ZNF12: variants seen among roughly 807,000 people sequenced by gnomAD.
The protein encoded by ZNF12 is zinc finger protein 12.
Under a neutral mutation model 66.6 loss-of-function variants are expected in ZNF12, and 34 were observed. That is an observed-to-expected ratio of 0.51 (90% CI 0.39 to 0.68). The LOEUF is 0.68. Among genes scored for constraint, ZNF12 ranks in the 30% least tolerant of loss-of-function variants. The pLI is 0.00. For missense variants in ZNF12, 697 were observed against 826.9 expected, an observed-to-expected ratio of 0.84 and a Z score of 1.93; for synonymous variants, 320 against 278.9, an observed-to-expected ratio of 1.15 and a Z score of -1.47.
chr7:6,690,840 G>A lies in ZNF12; in HGVS notation c.*8C>T. On this transcript the variant is annotated 3_prime_UTR_variant, in exon 5 of 5. Transcript: ENST00000405858. ...AAAGGGTTCTCTGATATAAAATGAG[G>A]TCTGACTTCAGAGAAGCCTTCCCAC... The A allele has an allele frequency of 6.3e-7, 1 of 1,597,030 alleles. No individual in the cohort carries two copies. Among genetic ancestry groups the A allele is most frequent in the Non-Finnish European group, 8.5e-7 (1 of 1,171,562 alleles).
rs1780082835 is a variant in ZNF12 at position 6,692,268 on chromosome 7, G to A, written c.674C>T (p.Ala225Val). 6.2e-7 allele frequency: 1 copy of A among 1,613,188 alleles called. No individual in the cohort carries two copies. Residue 225 changes from alanine (A) to valine (V), a missense_variant, in exon 5 of 5, where the codon GCC (alanine) becomes GTC (valine). Ala to Val is a moderately conservative substitution (Grantham distance 64). This residue lies in a region of ZNF12 where 241 missense variants were observed against 224.0 expected (regional missense o/e 1.08). Transcript: ENST00000405858. This position sits in a 1 kb window ranked among gnomAD's most constrained non-coding sequence, Gnocchi z 5.1. ...KPFEYIECQK[A>V]FQKDTVFVNH... is the part of the protein sequence containing the mutation. Reference sequence around the variant, plus strand: ...AACAAAAACAGTGTCCTTTTGGAAGGCTTTCTGGCATTCAATATATTCAAA... The same window carrying A: ...AACAAAAACAGTGTCCTTTTGGAAGACTTTCTGGCATTCAATATATTCAAA...
chr7:6,706,353 T>G (rs1780356790), intron 1 of ZNF12, 79 bp downstream of exon 1: 2 of 453,730 alleles, frequency 4.4e-6, no homozygotes, highest in Admixed American at 4.7e-5. Flanking sequence ...CCTTCCACTG[T>G]CCCTCACTCT....
chr7:6,697,884 T>C lies in ZNF12; in HGVS notation c.16-73A>G. On this transcript the variant is annotated intron_variant, in intron 2 of 4. Transcript: ENST00000405858. This position sits in a 1 kb window ranked among gnomAD's most constrained non-coding sequence, Gnocchi z 6.1. ...AGGTACAAGATCTTAGCATGCTCAC[T>C]GGCAAAATTAACCATGAACACTGTA... 6.4e-7 allele frequency: 1 copy of C among 1,554,040 alleles called. No individual in the cohort carries two copies. Among genetic ancestry groups the C allele is most frequent in the Non-Finnish European group, 8.9e-7 (1 of 1,127,148 alleles).
rs1033737663 is a variant in ZNF12, at chr7:6,688,682, A to C, written c.*2166T>G. On this transcript the variant is annotated 3_prime_UTR_variant, in exon 5 of 5. Transcript: ENST00000405858. The surrounding 1 kb of genome is among the most constrained non-coding windows in gnomAD (Gnocchi z 4.3). ...GCCATGTGTGATTTTAATAAATGGA[A>C]AACACGGCATTTCAGCTCAGTGGTA... 1.3e-5 allele frequency: 2 copies of C among 152,228 alleles called. No individual in the cohort carries two copies. The highest frequency in any genetic ancestry group is 2.9e-5 in the Non-Finnish European group (2 of 68,048). The allele number at this position is 152,228 out of a possible 1,614,324, so 9.4% of individuals were successfully genotyped here.
chr7:6,692,245 C>T lies in ZNF12; in HGVS notation c.697G>A (p.Val233Ile). Residue 233 changes from valine (V) to isoleucine (I), a missense_variant, in exon 5 of 5, where the codon GTT becomes ATT. Physicochemically the swap from Val to Ile is conservative, Grantham distance 29. This residue lies in a region of ZNF12 where 241 missense variants were observed against 224.0 expected (regional missense o/e 1.08). Transcript: ENST00000405858. This position sits in a 1 kb window ranked among gnomAD's most constrained non-coding sequence, Gnocchi z 5.1. Reference sequence around the variant, plus strand: ...TAGGGCTTTTCTTCCATGTGATTAACAAAAACAGTGTCCTTTTGGAAGGCT... The same window carrying T: ...TAGGGCTTTTCTTCCATGTGATTAATAAAAACAGTGTCCTTTTGGAAGGCT... ...QKAFQKDTVF[V>I]NHMEEKPYKW... The T allele has an allele frequency of 2.5e-6, 4 of 1,613,816 alleles. No homozygotes were observed. The highest frequency in any genetic ancestry group is 1.1e-5 in the South Asian group (1 of 91,038).
At position 6,697,860 on chromosome 7, in the gene ZNF12, G is replaced by C; in HGVS notation, c.16-49C>G. On this transcript the variant is annotated intron_variant, in intron 2 of 4. Transcript: ENST00000405858. The surrounding 1 kb of genome is among the most constrained non-coding windows in gnomAD (Gnocchi z 6.1). ...TTGGGTGACGTGAAATAGGCACATA[G>C]GTACAAGATCTTAGCATGCTCACTG... 1 of 1,611,274 alleles carries C rather than the reference G, an allele frequency of 6.2e-7. No individual in the cohort carries two copies. The highest frequency in any genetic ancestry group is 8.5e-7 in the Non-Finnish European group (1 of 1,178,066).
chr7:6,697,205 T>C lies in ZNF12; in HGVS notation c.238+134A>G, dbSNP rs972281384. 7 of 593,732 alleles carry C rather than the reference T, an allele frequency of 1.2e-5. No homozygotes were observed. The highest frequency in any genetic ancestry group is 3.8e-4 in the Middle Eastern group (1 of 2,622). The allele number at this position is 593,732 out of a possible 1,614,324, so 36.8% of individuals were successfully genotyped here. A position where few individuals can be genotyped will look rare whatever the true frequency, so the allele number is the denominator to read the frequency against. On this transcript the variant is annotated intron_variant, in intron 4 of 4. Transcript: ENST00000405858. This position sits in a 1 kb window ranked among gnomAD's most constrained non-coding sequence, Gnocchi z 6.1. ...TTCTTACGGGGAAGGAAGAAGTCTT[T>C]GGGAGTGAGATTCAGGTTCATAGAG...
In ZNF12 at chr7:6,705,138, T is replaced by C; in HGVS notation, c.15+21A>G. 1 of 1,613,132 alleles carries C rather than the reference T, an allele frequency of 6.2e-7. No homozygotes were observed. Among genetic ancestry groups the C allele is most frequent in the African/African-American group, 1.3e-5 (1 of 75,034 alleles). On this transcript the variant is annotated intron_variant, in intron 2 of 4. Transcript: ENST00000405858. The surrounding 1 kb of genome is among the most constrained non-coding windows in gnomAD (Gnocchi z 4.0). ...ATTGTAAATCAGAGTAGAGAATAAA[T>C]ACATGAACAGAAACACTCACCAGGG...
At position 6,690,043 on chromosome 7, in the gene ZNF12, A is replaced by G. The variant is rs1377198653; in HGVS notation, c.*805T>C. 1 of 152,214 alleles carries G rather than the reference A, an allele frequency of 6.6e-6. No individual in the cohort carries two copies. The highest frequency in any genetic ancestry group is 6.5e-5 in the Admixed American group (1 of 15,270). 9.4% of individuals were successfully genotyped at this position (152,214 alleles called of 1,614,324 possible). ...CTATCTATTTTATACATGGATATTT[A>G]TCTCTCTGGCTGACTCAGATACAGT... On this transcript the variant is annotated 3_prime_UTR_variant, in exon 5 of 5. Coordinates refer to ENST00000405858, the MANE Select transcript of ZNF12 (RefSeq NM_016265.4).
rs1015021486 is a variant in ZNF12 at position 6,696,103 on chromosome 7, A to G, written c.238+1236T>C. Among the ~76,000 whole-genome samples the G allele has an allele frequency of 2.0e-5, 3 of 152,246 alleles. No homozygotes were observed. The highest frequency in any genetic ancestry group is 4.8e-5 in the African/African-American group (2 of 41,450). On this transcript the variant is annotated intron_variant, in intron 4 of 4. Coordinates refer to ENST00000405858, the MANE Select transcript of ZNF12 (RefSeq NM_016265.4). This position sits in a 1 kb window ranked among gnomAD's most constrained non-coding sequence, Gnocchi z 4.0. ...GGCTTATCTTGTGAGGCTAGCGATG[A>G]TATCAACTGGAAACTTTAGATGAAG...
chr7:6,690,734 G>T lies in ZNF12; in HGVS notation c.*114C>A. On this transcript the variant is annotated 3_prime_UTR_variant, in exon 5 of 5. Transcript: ENST00000405858. ...CAGATTATGAGTCCAACACACAAGGGGATGTCCACACTAACCTGTGTGAAC... is the reference window on the plus strand; with the variant it reads ...CAGATTATGAGTCCAACACACAAGGTGATGTCCACACTAACCTGTGTGAAC... 9.4e-7 allele frequency: 1 copy of T among 1,069,454 alleles called. No homozygotes were observed. The highest frequency in any genetic ancestry group is 1.7e-5 in the South Asian group (1 of 57,584). 66.2% of individuals were successfully genotyped at this position (1,069,454 alleles called of 1,614,324 possible).
intron 1 of ZNF12, among the ~76,000 whole-genome samples, chr7:6,706,143 G>C (rs1034344657): frequency 1.3e-5 from 2 of 152,192 alleles, no homozygotes; most frequent in Non-Finnish European, 2.9e-5. Flanking sequence ...ACTTAAATGA[G>C]AGAACAGAGG....
rs1473606761 is a variant in ZNF12 at position 6,693,872 on chromosome 7, C to T, written c.239-1169G>A. On this transcript the variant is annotated intron_variant, in intron 4 of 4. Coordinates refer to ENST00000405858, the MANE Select transcript of ZNF12 (RefSeq NM_016265.4). ...AGTAGCATTTAGTGTACAAACCTTA[C>T]AAATCAGATCCCTGGCCGGGCGTGG... Among the ~76,000 whole-genome samples the T allele has an allele frequency of 5.3e-5, 8 of 152,122 alleles. No homozygotes were observed. In the South Asian group the frequency reaches 1.2e-3, roughly 24 times the overall value.
chr7:6,704,740 CA>C (rs949897713), intron 2 of ZNF12, among the ~76,000 whole-genome samples: 260 of 32,232 alleles, frequency 8.1e-3, no homozygotes, highest in Middle Eastern at 0.026. Flanking sequence ...TACTTGGTCT[CA>C]AAAAAAAAAA....
chr7:6,705,250 C>T lies in ZNF12; in HGVS notation c.-50-27G>A, dbSNP rs917259028. The T allele has an allele frequency of 2.5e-6, 4 of 1,587,302 alleles. No individual in the cohort carries two copies. The highest frequency in any genetic ancestry group is 1.1e-5 in the South Asian group (1 of 89,750). ...TGGGGAAGGAAAACCCAAGCCATGG[C>T]GTTATGAGCGGTCTGGCCTGCCAAG... On this transcript the variant is annotated intron_variant, in intron 1 of 4. Transcript: ENST00000405858. The surrounding 1 kb of genome is among the most constrained non-coding windows in gnomAD (Gnocchi z 4.0).
chr7:6,704,105 TCACTTGG>T (rs1780306258), intron 2 of ZNF12: 1 of 151,976 alleles, frequency 6.6e-6, no homozygotes, highest in South Asian at 2.1e-4. Flanking sequence ...GGTGGGCAAA[TCACTTGG>T]CACTTGAGGT....
Position 6,691,201 on chromosome 7 carries a change from C to G in ZNF12, c.1741G>C (p.Glu581Gln). The stretch of plus-strand genomic sequence containing the variant: ...TTCTGGCAGAAGGTTTTCCCACATT[C>G]ACTACATTCATAGGGCTTCTCTCCT... ...HSGEKPYECS[E>Q]CGKTFCQNSA... The change falls in exon 5 of 5, where the codon GAA (glutamate) becomes CAA (glutamine). Residue 581 changes from glutamate to glutamine, a missense_variant. Around this residue, in one of 3 missense-constraint regions of ZNF12, gnomAD observed 401 missense variants for 519.0 expected, o/e 0.77. Coordinates refer to ENST00000405858, the MANE Select transcript of ZNF12 (RefSeq NM_016265.4). 1.2e-6 allele frequency: 2 copies of G among 1,614,118 alleles called. No homozygotes were observed. Among genetic ancestry groups the G allele is most frequent in the Non-Finnish European group, 1.7e-6 (2 of 1,179,998 alleles).
chr7:6,693,047 T>C (rs1270324182), intron 4 of ZNF12, among the ~76,000 whole-genome samples: 1 of 152,160 alleles, frequency 6.6e-6, no homozygotes, highest in African/African-American at 2.4e-5. Context: ...GAATGCAGGA[T>C]GAATGGCTGA....
chr7:6,691,962 C>G lies in ZNF12; in HGVS notation c.980G>C (p.Cys327Ser). 1 of 1,614,142 alleles carries G rather than the reference C, an allele frequency of 6.2e-7. No homozygotes were observed. Residue 327 changes from cysteine (C) to serine (S), a missense_variant, in exon 5 of 5, where the codon TGT becomes TCT. This residue lies in a region of ZNF12 where 401 missense variants were observed against 519.0 expected (regional missense o/e 0.77). Transcript: ENST00000405858. Reference sequence around the variant, plus strand: ...GTAAAAGTTCTTCCCACATTCATTACATTCATAGGGCTTCTCCCCTGTGTG... The same window carrying G: ...GTAAAAGTTCTTCCCACATTCATTAGATTCATAGGGCTTCTCCCCTGTGTG... ...RTHTGEKPYE[C>S]NECGKNFYQK...
Sources: gnomAD v4.1 joint callset for allele counts (sites outside exome capture counted in the v4.1 genomes callset) on GRCh38, gnomAD v4.1.1 for gene constraint, gnomAD v4.1.1 regional missense constraint, Gnocchi (gnomAD v3.1) non-coding constraint, MANE v1.5 for transcripts, NCBI Gene and HGNC (gene_info 2026-07-23, HGNC 2026-07-21) for gene names.